Variants in PAK2 observed in about 807,000 individuals in gnomAD.
The protein encoded by PAK2 is p21 (RAC1) activated kinase 2.
PAK2 carries 21 observed loss-of-function variants against 65.9 expected under a neutral mutation model. That is an observed-to-expected ratio of 0.32 (90% CI 0.23 to 0.46). The LOEUF is 0.46. Among genes scored for constraint, PAK2 ranks in the 20% least tolerant of loss-of-function variants. PAK2 has a pLI of 1.00. For synonymous variants in PAK2, 204 were observed against 219.7 expected (o/e 0.93, Z 0.63); for missense variants, 324 against 642.6 (o/e 0.50, Z 5.36).
intron 5 of PAK2, among the ~76,000 whole-genome samples, chr3:196,805,974 C>T (rs1160857679): frequency 6.6e-6 from 1 of 151,590 alleles, no homozygotes. Flanking sequence ...TGCAGTGGCG[C>T]AATCTTGGCT....
Position 196,782,727 on chromosome 3 carries a change from C to G in PAK2, c.81C>G (p.Gly27=). The stretch of plus-strand genomic sequence containing the variant: ...GCAGCACCATCTTTAGCACTGGAGG[C>G]AAAGACCCTTTGTCAGCCAATCACA... ...RMSSTIFSTG[G]KDPLSANHSL... The change falls in exon 2 of 15, where the codon GGC becomes GGG. Residue 27 remains glycine (G), a synonymous_variant. Coordinates refer to ENST00000327134, the MANE Select transcript of PAK2 (RefSeq NM_002577.4). 2 of 1,611,452 alleles carry G rather than the reference C, an allele frequency of 1.2e-6. No homozygotes were observed. The highest frequency in any genetic ancestry group is 1.7e-6 in the Non-Finnish European group (2 of 1,177,572).
chr3:196,808,382 G>A (rs1186568033), intron 7 of PAK2, among the ~76,000 whole-genome samples: 3 of 150,994 alleles, frequency 2.0e-5, no homozygotes, highest in Non-Finnish European at 4.4e-5. Flanking sequence ...CCAGTATGGT[G>A]AAACCCCTCC....
chr3:196,805,002 TTATC>T (rs1455437409), intron 4 of PAK2, among the ~76,000 whole-genome samples: 1 of 152,078 alleles, frequency 6.6e-6, no homozygotes, highest in Non-Finnish European at 1.5e-5. Context: ...GAAAGTATCT[TTATC>T]AATAAATTTG....
chr3:196,748,271 G>C (rs2686595), intron 1 of PAK2, among the ~76,000 whole-genome samples: 70,746 of 151,890 alleles, frequency 0.47, 16,962 homozygotes, highest in Non-Finnish European at 0.53. Context: ...CAAGCCTCCT[G>C]CTCATCAACA....
At position 196,797,266 on chromosome 3, in the gene PAK2, A is replaced by G. The variant is rs188362973; in HGVS notation, c.188-4661A>G. 1.2e-4 allele frequency among the ~76,000 whole-genome samples: 19 copies of G among 152,170 alleles called. No homozygotes were observed. In the East Asian group the frequency reaches 3.7e-3, roughly 29 times the overall value. On this transcript the variant is annotated intron_variant, in intron 2 of 14. Transcript: ENST00000327134. ...GATCACTTGAGGTCAGGAGTTCGAG[A>G]CCGGCCTGGCCAACATGGTGAAACC...
rs115221184 is a variant in PAK2, at chr3:196,756,564, G to A, written c.-22+16407G>A. Among the ~76,000 whole-genome samples, 1,105 of 152,302 alleles carry A rather than the reference G, an allele frequency of 7.3e-3. 14 individuals are homozygous for A. The highest frequency in any genetic ancestry group is 0.025 in the African/African-American group (1,034 of 41,560). ...TAGTAACAAAATGCTTGGGCTGGGC[G>A]TGGTGGCTCATGCCTGTAATCCCAG... On this transcript the variant is annotated intron_variant, in intron 1 of 14. Transcript: ENST00000327134.
intron 1 of PAK2, among the ~76,000 whole-genome samples, chr3:196,769,640 T>C (rs1714297344): frequency 1.3e-5 from 1 of 74,914 alleles, no homozygotes; most frequent in Non-Finnish European, 2.6e-5. Context: ...TGAAACCCCG[T>C]CTCTCCTAAA....
At chr3:196,795,962 C>A (rs1408537902) in intron 2 of PAK2, among the ~76,000 whole-genome samples, 1 of 152,194 alleles carries the variant, frequency 6.6e-6, no homozygotes, top group African/African-American at 2.4e-5. Context: ...TGAAACTGTT[C>A]CATCTGAGGT....
At chr3:196,757,163 A>G (rs1328580358) in intron 1 of PAK2, among the ~76,000 whole-genome samples, 1 of 152,150 alleles carries the variant, frequency 6.6e-6, no homozygotes, top group Non-Finnish European at 1.5e-5. Context: ...GACGGTTAGG[A>G]ACAGGTAACT....
At position 196,830,420 on chromosome 3, in the gene PAK2, T is replaced by C. The variant is rs1712035705; in HGVS notation, c.*2015T>C. On this transcript the variant is annotated 3_prime_UTR_variant, in exon 15 of 15. Transcript: ENST00000327134. ...AAATTTTACCATTCTTTGTAAACAG[T>C]TGGATGGATTATGATAAAGAAGATG... 6.6e-6 allele frequency: 1 copy of C among 152,096 alleles called. No individual in the cohort carries two copies. The highest frequency in any genetic ancestry group is 2.4e-5 in the African/African-American group (1 of 41,402). 9.4% of individuals were successfully genotyped at this position (152,096 alleles called of 1,614,324 possible). A position where few individuals can be genotyped will look rare whatever the true frequency, so the allele number is the denominator to read the frequency against.
Position 196,759,489 on chromosome 3 carries a change from G to GTTTTTT in PAK2, c.-22+19335_-22+19340dup, listed in dbSNP as rs1418582155. On this transcript the variant is annotated intron_variant, in intron 1 of 14. Transcript: ENST00000327134. The stretch of plus-strand genomic sequence containing the variant: ...ACCCTTTAAGGTATACAGTTAAGTG[G>GTTTTTT]TTTTTTTTGTTTTTTTTTTTTTTTT... Among the ~76,000 whole-genome samples the GTTTTTT allele has an allele frequency of 1.4e-3, 139 of 98,818 alleles. 8 individuals are homozygous for GTTTTTT. The highest frequency in any genetic ancestry group is 2.4e-3 in the South Asian group (7 of 2,858). 64.8% of individuals were successfully genotyped at this position (98,818 alleles called of 152,430 possible).
rs149522539 is a variant in PAK2, at chr3:196,751,674, C to CATATATATATATATAT, written c.-22+11523_-22+11538dup. Among the ~76,000 whole-genome samples, 523 of 71,720 alleles carry CATATATATATATATAT rather than the reference C, an allele frequency of 7.3e-3. 21 individuals carry two copies. Among genetic ancestry groups the CATATATATATATATAT allele is most frequent in the African/African-American group, 0.017 (229 of 13,234 alleles). The allele number at this position is 71,720 out of a possible 152,430, so 47.1% of individuals were successfully genotyped here. A position where few individuals can be genotyped will look rare whatever the true frequency, so the allele number is the denominator to read the frequency against. ...AAAAACACACAAATTTATTTATATACATATATATATATATATATATAATTC... is the reference window on the plus strand; with the variant it reads ...AAAAACACACAAATTTATTTATATACATATATATATATATATATATATATATATATATATATAATTC... On this transcript the variant is annotated intron_variant, in intron 1 of 14. Coordinates refer to ENST00000327134, the MANE Select transcript of PAK2 (RefSeq NM_002577.4).
intron 14 of PAK2, among the ~76,000 whole-genome samples, chr3:196,827,704 TAACA>T (rs1198179673): frequency 8.5e-5 from 13 of 152,060 alleles, no homozygotes; most frequent in African/African-American, 3.1e-4. Context: ...TGTACATATG[TAACA>T]AACCTGCACG....
intron 1 of PAK2, among the ~76,000 whole-genome samples, chr3:196,780,387 G>A (rs951601604): frequency 6.6e-6 from 1 of 152,208 alleles, no homozygotes; most frequent in Non-Finnish European, 1.5e-5. Flanking sequence ...AATCATGGCG[G>A]AAGGCGAGGA....
Position 196,807,805 on chromosome 3 carries a change from C to T in PAK2, c.600C>T (p.Asp200=), listed in dbSNP as rs1433475345. Residue 200 remains aspartate (D), a synonymous_variant, in exon 7 of 15, where the codon GAC becomes GAT. Coordinates refer to ENST00000327134, the MANE Select transcript of PAK2 (RefSeq NM_002577.4). The part of the protein sequence containing the change: ...TKSIYTRSVI[D]PVPAPVGDSH... ...AGATTTACACACGGTCTGTAATTGA[C>T]CCTGTTCCTGCACCAGTTGGTGATT... 6.2e-7 allele frequency: 1 copy of T among 1,609,972 alleles called. No individual in the cohort carries two copies. Among genetic ancestry groups the T allele is most frequent in the East Asian group, 2.2e-5 (1 of 44,862 alleles).
intron 2 of PAK2, among the ~76,000 whole-genome samples, chr3:196,785,479 T>C (rs955722545): frequency 2.0e-5 from 3 of 152,172 alleles, no homozygotes; most frequent in Admixed American, 6.5e-5. Flanking sequence ...CTGAGCACCC[T>C]CAGCAACTCT....
At position 196,756,838 on chromosome 3, in the gene PAK2, AAAAG is replaced by A. The variant is rs564830931; in HGVS notation, c.-22+16693_-22+16696del. Among the ~76,000 whole-genome samples, 342 of 152,346 alleles carry A rather than the reference AAAAG, an allele frequency of 2.2e-3. 1 individual carries two copies. The Middle Eastern group carries it at 0.024, about 11-fold the overall frequency. On this transcript the variant is annotated intron_variant, in intron 1 of 14. Transcript: ENST00000327134. ...GTGACAGAGCAAGATTCCATCTCAA[AAAAG>A]AAAGAAAGAAACAAAATGCTTATTC...
rs202065118 is a variant in PAK2 at position 196,767,311 on chromosome 3, G to A, written c.-21-15315G>A. Among the ~76,000 whole-genome samples, 23 of 152,144 alleles carry A rather than the reference G, an allele frequency of 1.5e-4. No homozygotes were observed. The East Asian group carries it at 4.5e-3, about 29-fold the overall frequency. On this transcript the variant is annotated intron_variant, in intron 1 of 14. Transcript: ENST00000327134. ...AGAAACGGGATATATGGGTCAAAAG[G>A]TATATATGTAGTCGGTACTCCTAAA...
At chr3:196,776,241 T>A (rs544099551) in intron 1 of PAK2, among the ~76,000 whole-genome samples, 25 of 152,216 alleles carry the variant, frequency 1.6e-4, no homozygotes, top group Non-Finnish European at 3.2e-4. Context: ...TGCAGTAAAG[T>A]GCCAGTTTCA....
Sources: allele counts gnomAD v4.1 joint callset (sites outside exome capture counted in the v4.1 genomes callset), GRCh38; gene constraint gnomAD v4.1.1; transcripts MANE v1.5; gene names NCBI Gene and HGNC (gene_info 2026-07-23, HGNC 2026-07-21).